CRTC3: variants seen among roughly 807,000 people sequenced by gnomAD.
CRTC3 encodes the protein CREB-regulated transcription coactivator 3.
A neutral mutation model predicts 74.5 loss-of-function variants in CRTC3; 26 were observed. That is an observed-to-expected ratio of 0.35 (90% CI 0.26 to 0.48). The LOEUF (loss-of-function observed/expected upper bound fraction) is 0.48. Ranked by LOEUF, CRTC3 falls within the 20% of genes least tolerant of loss-of-function variation. The pLI is 0.99. For synonymous variants in CRTC3, 377 were observed against 325.8 expected, an observed-to-expected ratio of 1.16 and a Z score of -1.69; for missense variants, 760 against 787.3, an observed-to-expected ratio of 0.97 and a Z score of 0.41.
intron 7 of CRTC3, among the ~76,000 whole-genome samples, chr15:90,616,508 AC>A (rs1435524842): frequency 1.3e-5 from 2 of 152,138 alleles, no homozygotes; most frequent in Non-Finnish European, 2.9e-5. Flanking sequence ...ATTCTTGGGT[AC>A]CCGGCCATCT....
At chr15:90,592,856 T>C (rs538091685) in intron 2 of CRTC3, among the ~76,000 whole-genome samples, 1 of 152,160 alleles carries the variant, frequency 6.6e-6, no homozygotes, top group Non-Finnish European at 1.5e-5. Context: ...GTGGCCAAGA[T>C]ATTTTGATTT....
At chr15:90,540,427 T>C (rs570422280) in intron 2 of CRTC3, among the ~76,000 whole-genome samples, 1 of 152,344 alleles carries the variant, frequency 6.6e-6, no homozygotes, top group Admixed American at 6.5e-5. Context: ...TTAATTTTAA[T>C]ATCTATATTT....
chr15:90,641,963 C>G lies in CRTC3; in HGVS notation c.1683C>G (p.Leu561=). ...CCAGCACCAGCCTGTTCAAAGACCT[C>G]AACAGTGCGCTGGCAGGCCTGCCTG... The part of the protein sequence containing the change: ...EDSSTSLFKD[L]NSALAGLPEV... Residue 561 remains leucine, a synonymous_variant, in exon 15 of 15, where the codon CTC becomes CTG. Transcript: ENST00000268184. 5 of 1,613,762 alleles carry G rather than the reference C, an allele frequency of 3.1e-6. No individual in the cohort carries two copies. Among genetic ancestry groups the G allele is most frequent in the Non-Finnish European group, 4.2e-6 (5 of 1,179,904 alleles).
In CRTC3 at chr15:90,560,309, G is replaced by T. The variant is rs556248708; in HGVS notation, c.231+20172G>T. 1.9e-3 allele frequency among the ~76,000 whole-genome samples: 296 copies of T among 152,208 alleles called. 2 individuals are homozygous for T. The highest frequency in any genetic ancestry group is 6.2e-3 in the South Asian group (30 of 4,820). On this transcript the variant is annotated intron_variant, in intron 2 of 14. Coordinates refer to ENST00000268184, the MANE Select transcript of CRTC3 (RefSeq NM_022769.5). ...GTCACTGATGATGGCTCTCATCCTT[G>T]GTTCTACCAGATTCTTGAAAGAGAA...
At chr15:90,565,249 A>G (rs978255271) in intron 2 of CRTC3, among the ~76,000 whole-genome samples, 1 of 152,096 alleles carries the variant, frequency 6.6e-6, no homozygotes, top group African/African-American at 2.4e-5. Context: ...TGCCTGGCCA[A>G]TGTAAGCTTT....
intron 2 of CRTC3, among the ~76,000 whole-genome samples, chr15:90,591,414 C>T (rs1427516158): frequency 2.6e-5 from 4 of 152,050 alleles, no homozygotes; most frequent in Admixed American, 6.6e-5. Context: ...GCCACTGCAC[C>T]CAGCTAGAAA....
rs1969328631 is a variant in CRTC3 at position 90,638,661 on chromosome 15, G to C, written c.1467+15G>C. 8 of 1,613,548 alleles carry C rather than the reference G, an allele frequency of 5.0e-6. No individual in the cohort carries two copies. The highest frequency in any genetic ancestry group is 2.2e-5 in the East Asian group (1 of 44,880). ...TCCCGGCCCAGGTGAGTTCTGGCAGGAGCGTTGGTGCAGAGGGAATGCTTG... is the reference window on the plus strand; with the variant it reads ...TCCCGGCCCAGGTGAGTTCTGGCAGCAGCGTTGGTGCAGAGGGAATGCTTG... On this transcript the variant is annotated intron_variant, in intron 12 of 14. Coordinates refer to ENST00000268184, the MANE Select transcript of CRTC3 (RefSeq NM_022769.5).
At chr15:90,628,182 A>T (rs554801098) in intron 10 of CRTC3, among the ~76,000 whole-genome samples, 16 of 151,672 alleles carry the variant, frequency 1.1e-4, no homozygotes, top group African/African-American at 3.1e-4. Flanking sequence ...ATGTCACTGC[A>T]CTCCAGCCTG....
At chr15:90,620,552 G>C (rs1025506741) in intron 9 of CRTC3, among the ~76,000 whole-genome samples, 5 of 152,120 alleles carry the variant, frequency 3.3e-5, no homozygotes, top group Non-Finnish European at 7.4e-5. Flanking sequence ...ACTGCCTTGG[G>C]AGGGCCGGCT....
At chr15:90,637,330 C>T (rs1596151061) in intron 11 of CRTC3, among the ~76,000 whole-genome samples, 2 of 152,258 alleles carry the variant, frequency 1.3e-5, no homozygotes, top group East Asian at 3.9e-4. Flanking sequence ...CACATATTCT[C>T]ACTCATAGGT....
intron 9 of CRTC3, among the ~76,000 whole-genome samples, chr15:90,624,135 G>A (rs1166582126): frequency 6.6e-6 from 1 of 152,128 alleles, no homozygotes; most frequent in Non-Finnish European, 1.5e-5. Context: ...TGGCCCCTGG[G>A]AGGTGCTCTG....
At chr15:90,542,353 A>G (rs1421110479) in intron 2 of CRTC3, among the ~76,000 whole-genome samples, 1 of 151,060 alleles carries the variant, frequency 6.6e-6, no homozygotes, top group Non-Finnish European at 1.5e-5. Flanking sequence ...TAATTTTTGT[A>G]TTTTTAGTAG....
chr15:90,535,342 C>T (rs906251023), intron 1 of CRTC3, among the ~76,000 whole-genome samples: 6 of 152,112 alleles, frequency 3.9e-5, no homozygotes, highest in Non-Finnish European at 7.4e-5. Context: ...TGCCGACCAG[C>T]TGAGCCTAGT....
chr15:90,642,032 G>A lies in CRTC3; in HGVS notation c.1752G>A (p.Glu584=), dbSNP rs1184848502. The part of the protein sequence containing the change: ...NVDTPFPLEE[E]LQIEPLSLDG... ...ACACTCCATTTCCACTGGAAGAGGA[G>A]CTGCAGATTGAACCCCTGAGCCTGG... Residue 584 remains glutamate, a synonymous_variant, in exon 15 of 15, where the codon GAG becomes GAA. Coordinates refer to ENST00000268184, the MANE Select transcript of CRTC3 (RefSeq NM_022769.5). 1.2e-6 allele frequency: 2 copies of A among 1,613,946 alleles called. No homozygotes were observed. Among genetic ancestry groups the A allele is most frequent in the Admixed American group, 1.7e-5 (1 of 60,030 alleles).
intron 2 of CRTC3, among the ~76,000 whole-genome samples, chr15:90,550,604 C>T (rs752973610): frequency 1.3e-5 from 2 of 152,044 alleles, no homozygotes; most frequent in African/African-American, 4.8e-5. Context: ...CTCAAGCAGC[C>T]TTTTAGCAGC....
In CRTC3 at chr15:90,559,769, C is replaced by T. The variant is rs925547679; in HGVS notation, c.231+19632C>T. Among the ~76,000 whole-genome samples, 6 of 152,270 alleles carry T rather than the reference C, an allele frequency of 3.9e-5. No homozygotes were observed. The South Asian group carries it at 6.2e-4, about 16-fold the overall frequency. On this transcript the variant is annotated intron_variant, in intron 2 of 14. Coordinates refer to ENST00000268184, the MANE Select transcript of CRTC3 (RefSeq NM_022769.5). Reference sequence around the variant, plus strand: ...CCCCCCAAGTAGCTGGCACCACCGGCGCATGCCACCACACTCGGCTAATTT... The same window carrying T: ...CCCCCCAAGTAGCTGGCACCACCGGTGCATGCCACCACACTCGGCTAATTT...
At position 90,619,759 on chromosome 15, in the gene CRTC3, C is replaced by T. The variant is rs778977437; in HGVS notation, c.718C>T (p.Arg240Cys). The T allele has an allele frequency of 1.4e-5, 22 of 1,613,778 alleles. No homozygotes were observed. Among genetic ancestry groups the T allele is most frequent in the Admixed American group, 1.7e-5 (1 of 60,018 alleles). ...TTCTCAGATTCAGTCCCTGTCAGGA[C>T]GCCCTCGATCCTGTGATGTTGGAGG... Reference protein sequence around the residue: ...ETKEIQSLSGRPRSCDVGGGN... With the variant: ...ETKEIQSLSGCPRSCDVGGGN... The change falls in exon 9 of 15, where the codon CGC becomes TGC. Residue 240 changes from arginine (R) to cysteine (C), a missense_variant. This residue lies in a region of CRTC3 where 652 missense variants were observed against 635.2 expected (regional missense o/e 1.03). Transcript: ENST00000268184.
chr15:90,625,656 C>T (rs1968807214), intron 9 of CRTC3, 120 bp from the exon 10 acceptor site: 1 of 876,974 alleles, frequency 1.1e-6, no homozygotes, highest in Non-Finnish European at 1.9e-6. Flanking sequence ...GAGGCCGCAC[C>T]AGGACCTCGG....
chr15:90,632,305 A>T (rs920815426), intron 11 of CRTC3, among the ~76,000 whole-genome samples: 10 of 151,998 alleles, frequency 6.6e-5, no homozygotes, highest in African/African-American at 1.9e-4. Flanking sequence ...GATTTTTTTT[A>T]AATGAATGTT....
Sources: gnomAD v4.1 joint callset for allele counts (sites outside exome capture counted in the v4.1 genomes callset) on GRCh38, gnomAD v4.1.1 for gene constraint, gnomAD v4.1.1 regional missense constraint, MANE v1.5 for transcripts, NCBI Gene and HGNC (gene_info 2026-07-23, HGNC 2026-07-21) for gene names.